TBL1X: variants seen among roughly 807,000 people sequenced by gnomAD.
TBL1X encodes the protein transducin beta like 1 X-linked.
A neutral mutation model predicts 50.7 loss-of-function variants in TBL1X; 10 were observed. The ratio of observed to expected loss-of-function variants is 0.20; its 90% CI spans 0.12 to 0.33. The LOEUF is 0.33. Among genes scored for constraint, TBL1X ranks in the 10% least tolerant of loss-of-function variants. The probability of loss-of-function intolerance (pLI) is 1.00; values close to 1 mark genes in which losing one functional copy is unlikely to be tolerated. For missense variants in TBL1X, 340 were observed against 504.4 expected, an observed-to-expected ratio of 0.67 and a Z score of 3.12; for synonymous variants, 190 against 214.7, an observed-to-expected ratio of 0.88 and a Z score of 1.01.
intron 5 of TBL1X, among the ~76,000 whole-genome samples, chrX:9,672,962 G>A (rs2082969018): frequency 8.9e-6 from 1 of 111,892 alleles, no homozygotes; most frequent in Non-Finnish European, 1.9e-5. Flanking sequence ...TCAGTGTCTG[G>A]TGGGGACCCG....
At chrX:9,487,925 G>A (rs2081922013) in intron 1 of TBL1X, among the ~76,000 whole-genome samples, 1 of 111,368 alleles carries the variant, frequency 9.0e-6, no homozygotes, top group Non-Finnish European at 1.9e-5. Context: ...TTTCTACGGC[G>A]TCCCCAAAGT....
At chrX:9,655,922 G>A (rs180908507) in intron 5 of TBL1X, among the ~76,000 whole-genome samples, 275 of 112,604 alleles carry the variant, frequency 2.4e-3, no homozygotes, top group African/African-American at 8.4e-3. Flanking sequence ...CGTCAGGCAC[G>A]TAGCACATTG....
intron 2 of TBL1X, among the ~76,000 whole-genome samples, chrX:9,601,102 A>T (rs971025285): frequency 1.2e-4 from 13 of 111,719 alleles, no homozygotes; most frequent in Admixed American, 1.9e-4. Flanking sequence ...ATAGTGAACA[A>T]ATCAGTGCAC....
chrX:9,589,818 C>T lies in TBL1X; in HGVS notation c.-130-50455C>T, dbSNP rs143845321. 1.0e-3 allele frequency among the ~76,000 whole-genome samples: 117 copies of T among 111,613 alleles called. 1 individual carries two copies. Among genetic ancestry groups the T allele is most frequent in the African/African-American group, 3.6e-3 (110 of 30,640 alleles). On this transcript the variant is annotated intron_variant, in intron 2 of 17. Transcript: ENST00000645353. The stretch of plus-strand genomic sequence containing the variant: ...TAGGCACAAAGCGTCTCCTCTAAGA[C>T]ATTTGTTAATTACAAAAGGGACAAA...
intron 5 of TBL1X, among the ~76,000 whole-genome samples, chrX:9,670,961 A>C (rs1379554925): frequency 8.9e-6 from 1 of 112,429 alleles, no homozygotes; most frequent in Non-Finnish European, 1.9e-5. Context: ...TCAAATAATA[A>C]AATAAGGAAG....
At chrX:9,635,488 C>CTTGGTAGGGA (rs1401836043) in intron 2 of TBL1X, among the ~76,000 whole-genome samples, 3 of 110,917 alleles carry the variant, frequency 2.7e-5, no homozygotes, top group African/African-American at 9.8e-5. Context: ...TGGGCAAATG[C>CTTGGTAGGGA]TTGGTAGGGA....
chrX:9,638,108 T>G (rs768567), intron 2 of TBL1X, among the ~76,000 whole-genome samples: 38,599 of 110,490 alleles, frequency 0.35, 5,174 homozygotes, highest in African/African-American at 0.4. Flanking sequence ...TGCTGTGTTG[T>G]GTCAGCTTAG....
At chrX:9,677,921 A>T (rs886672051) in intron 5 of TBL1X, among the ~76,000 whole-genome samples, 2 of 111,718 alleles carry the variant, frequency 1.8e-5, no homozygotes, top group Non-Finnish European at 3.8e-5. Flanking sequence ...GGAAACTGTT[A>T]GGGGGCAGAT....
At chrX:9,533,999 CGAGGGAGGAACCCAGAACCAT>C (rs1331589467) in intron 2 of TBL1X, among the ~76,000 whole-genome samples, 1 of 111,431 alleles carries the variant, frequency 9.0e-6, no homozygotes. Context: ...TGCTGAGCTC[CGAGGGAGGAACCCAGAACCAT>C]GCGGGAGCAA....
intron 2 of TBL1X, among the ~76,000 whole-genome samples, chrX:9,555,821 T>G (rs1280385710): frequency 9.0e-6 from 1 of 110,842 alleles, no homozygotes. Context: ...GAGAAAGGAG[T>G]CAGGCCCCTT....
chrX:9,474,259 T>C (rs1399270906), intron 1 of TBL1X, among the ~76,000 whole-genome samples: 1 of 113,043 alleles, frequency 8.8e-6, no homozygotes, highest in African/African-American at 3.2e-5. Context: ...CTGAAAACTT[T>C]TTTGCTGAAA....
intron 2 of TBL1X, among the ~76,000 whole-genome samples, chrX:9,594,461 C>G (rs142421487): frequency 1.8e-5 from 2 of 112,145 alleles, no homozygotes; most frequent in African/African-American, 6.5e-5. Flanking sequence ...GAAGTTTTCT[C>G]CATGAAAATG....
At chrX:9,676,644 C>G (rs2082996260) in intron 5 of TBL1X, among the ~76,000 whole-genome samples, 2 of 111,927 alleles carry the variant, frequency 1.8e-5, no homozygotes, top group African/African-American at 6.5e-5. Context: ...TGGGTCATCT[C>G]AAACAGGTCT....
intron 10 of TBL1X, 53 bp from the exon 11 acceptor site, chrX:9,693,269 C>G: frequency 8.3e-7 from 1 of 1,209,081 alleles, no homozygotes; most frequent in Non-Finnish European, 1.1e-6. Context: ...GAACTTAACC[C>G]TTGAGTGAAC....
intron 3 of TBL1X, among the ~76,000 whole-genome samples, chrX:9,649,988 C>T (rs1442624224): frequency 9.0e-6 from 1 of 111,520 alleles, no homozygotes; most frequent in Non-Finnish European, 1.9e-5. Flanking sequence ...AGGGCATCTC[C>T]CTATGTTGCC....
At chrX:9,685,227 T>G (rs1290737712) in intron 6 of TBL1X, among the ~76,000 whole-genome samples, 1 of 112,097 alleles carries the variant, frequency 8.9e-6, no homozygotes, top group Non-Finnish European at 1.9e-5. Flanking sequence ...GATTCTGCAG[T>G]GAAGATCCCC....
chrX:9,652,497 C>G (rs1331261903), intron 3 of TBL1X, among the ~76,000 whole-genome samples: 1 of 112,512 alleles, frequency 8.9e-6, no homozygotes, highest in Non-Finnish European at 1.9e-5. Flanking sequence ...GAAAGTTTTG[C>G]TGCCTGTAAA....
At chrX:9,631,053 G>A (rs1217266405) in intron 2 of TBL1X, among the ~76,000 whole-genome samples, 2 of 111,606 alleles carry the variant, frequency 1.8e-5, no homozygotes, top group Non-Finnish European at 3.8e-5. Context: ...TAGTAGGTTT[G>A]TTATAGACAG....
intron 5 of TBL1X, among the ~76,000 whole-genome samples, chrX:9,674,545 T>G (rs963757875): frequency 8.1e-5 from 9 of 110,924 alleles, no homozygotes; most frequent in Non-Finnish European, 1.9e-5. Flanking sequence ...ATTACAAGTG[T>G]GAGTCACTGC....
Sources: allele counts gnomAD v4.1 joint callset (sites outside exome capture counted in the v4.1 genomes callset), GRCh38; gene constraint gnomAD v4.1.1; transcripts MANE v1.5; gene names NCBI Gene and HGNC (gene_info 2026-07-23, HGNC 2026-07-21).